MAST2: variants seen among roughly 807,000 people sequenced by gnomAD.
MAST2 encodes microtubule-associated serine/threonine-protein kinase 2.
Under a neutral mutation model 147.4 loss-of-function variants are expected in MAST2, and 70 were observed. The observed-to-expected ratio is 0.47, with a 90% CI of 0.39 to 0.58. The LOEUF (loss-of-function observed/expected upper bound fraction) is 0.58, where lower values mean the gene tolerates loss of function less well. Among genes scored for constraint, MAST2 ranks in the 20% least tolerant of loss-of-function variants. The pLI is 0.00. For missense variants in MAST2, 2,080 were observed against 2,302.3 expected, an observed-to-expected ratio of 0.90 and a Z score of 1.98; for synonymous variants, 869 against 896.8, an observed-to-expected ratio of 0.97 and a Z score of 0.55.
intron 6 of MAST2, among the ~76,000 whole-genome samples, chr1:46,000,012 G>T (rs1343061285): frequency 1.3e-5 from 2 of 152,032 alleles, no homozygotes; most frequent in Non-Finnish European, 2.9e-5. Context: ...GCATGATGCT[G>T]CATGAAAGAA....
chr1:45,932,257 A>G (rs766347363), intron 4 of MAST2, among the ~76,000 whole-genome samples: 1 of 152,154 alleles, frequency 6.6e-6, no homozygotes, highest in Non-Finnish European at 1.5e-5. Context: ...TTATTATACT[A>G]TGCTGGTCAC....
At chr1:46,006,171 A>T in intron 7 of MAST2, 70 bp from the exon 8 acceptor site, 1 of 1,451,874 alleles carries the variant, frequency 6.9e-7, no homozygotes, top group Non-Finnish European at 9.4e-7. Flanking sequence ...GACCATTTTC[A>T]GTCCTTCCCC....
intron 5 of MAST2, among the ~76,000 whole-genome samples, chr1:45,993,443 G>A (rs1644925491): frequency 6.6e-6 from 1 of 152,072 alleles, no homozygotes; most frequent in Non-Finnish European, 1.5e-5. Flanking sequence ...CAGCACTTTG[G>A]GAGGCTGAGG....
chr1:45,805,445 C>CT (rs1644113455), intron 1 of MAST2, among the ~76,000 whole-genome samples: 1 of 132,236 alleles, frequency 7.6e-6, no homozygotes, highest in East Asian at 2.2e-4. Context: ...ACCATCTCTG[C>CT]CCCGCTTCTA....
intron 4 of MAST2, among the ~76,000 whole-genome samples, chr1:45,889,831 G>A (rs764249956): frequency 2.8e-4 from 42 of 151,622 alleles, no homozygotes; most frequent in Middle Eastern, 6.8e-3. Context: ...GGCTGGTCTC[G>A]AACTCCCAAC....
intron 4 of MAST2, among the ~76,000 whole-genome samples, chr1:45,959,099 C>T (rs958004080): frequency 4.6e-5 from 7 of 151,928 alleles, no homozygotes; most frequent in Non-Finnish European, 7.4e-5. Context: ...GGTTTTTGCC[C>T]GTAGGGAGCT....
intron 4 of MAST2, among the ~76,000 whole-genome samples, chr1:45,915,244 A>T (rs1570693531): frequency 6.6e-6 from 1 of 152,134 alleles, no homozygotes; most frequent in Admixed American, 6.5e-5. Flanking sequence ...ATGTGGGTAC[A>T]CTGCTGTTGG....
chr1:45,866,721 A>C (rs559251640), intron 3 of MAST2, among the ~76,000 whole-genome samples: 88 of 149,044 alleles, frequency 5.9e-4, no homozygotes, highest in Middle Eastern at 3.4e-3. Context: ...ACTTATAAAA[A>C]ATTTTTCCCC....
In MAST2 at chr1:46,035,733, C is replaced by A; in HGVS notation, c.5064C>A (p.Asn1688Lys). The A allele has an allele frequency of 1.2e-6, 2 of 1,614,052 alleles. No homozygotes were observed. Among genetic ancestry groups the A allele is most frequent in the Non-Finnish European group, 8.5e-7 (1 of 1,180,022 alleles). Residue 1688 changes from asparagine (N) to lysine (K), a missense_variant, in exon 29 of 29, where the codon AAC becomes AAA. Asn to Lys is a moderately conservative substitution (Grantham distance 94). This residue lies in a region of MAST2 where 1,278 missense variants were observed against 1,304.2 expected (regional missense o/e 0.98). Transcript: ENST00000361297. This position sits in a 1 kb window ranked among gnomAD's most constrained non-coding sequence, Gnocchi z 5.5. ...TAGCCAACCTCCAGGATTTGGAAAA[C>A]ACAACTCCAGCCCAGCCTAAGAACC... ...GGLANLQDLE[N>K]TTPAQPKNLS...
rs771351825 is a variant in MAST2, at chr1:46,002,842, T to A, written c.706T>A (p.Ser236Thr). The A allele has an allele frequency of 1.2e-6, 2 of 1,614,190 alleles. No individual in the cohort carries two copies. The highest frequency in any genetic ancestry group is 1.7e-6 in the Non-Finnish European group (2 of 1,180,016). Residue 236 changes from serine to threonine, a missense_variant, in exon 7 of 29, where the codon TCT (serine) becomes ACT (threonine). Ser to Thr is a moderately conservative substitution (Grantham distance 58, BLOSUM62 1). Transcript: ENST00000361297. Reference sequence around the variant, plus strand: ...GCGCTGGTCTTTGGCCTCTTTGCCCTCTTCAGGATATGGAACTAACACTCC... The same window carrying A: ...GCGCTGGTCTTTGGCCTCTTTGCCCACTTCAGGATATGGAACTAACACTCC... ...GRRWSLASLP[S>T]SGYGTNTPSS...
chr1:46,029,273 T>C, intron 18 of MAST2, 193 bp from the exon 19 acceptor site: 1 of 565,558 alleles, frequency 1.8e-6, no homozygotes, highest in Non-Finnish European at 3.1e-6. Context: ...TTGCAGTGCC[T>C]GCTGTGGATC....
chr1:45,950,143 A>T (rs1340251328), intron 4 of MAST2, among the ~76,000 whole-genome samples: 1 of 152,174 alleles, frequency 6.6e-6, no homozygotes, highest in Non-Finnish European at 1.5e-5. Context: ...TGGGTGATGA[A>T]ACAACCTATA....
intron 7 of MAST2, among the ~76,000 whole-genome samples, chr1:46,004,439 G>T (rs1571167929): frequency 6.6e-6 from 1 of 150,800 alleles, no homozygotes; most frequent in East Asian, 2.0e-4. Flanking sequence ...ACCAAGGTAA[G>T]TCTCATCTGC....
At chr1:45,870,150 C>T (rs1646323922) in intron 3 of MAST2, among the ~76,000 whole-genome samples, 1 of 152,200 alleles carries the variant, frequency 6.6e-6, no homozygotes, top group African/African-American at 2.4e-5. Context: ...TCTCGAATTC[C>T]TGACCTGAGG....
chr1:46,032,195 C>T lies in MAST2; in HGVS notation c.3205C>T (p.Pro1069Ser), dbSNP rs749239404. 6 of 1,614,178 alleles carry T rather than the reference C, an allele frequency of 3.7e-6. No homozygotes were observed. The South Asian group carries it at 6.6e-5, about 18-fold the overall frequency. Residue 1069 changes from proline (P) to serine (S), a missense_variant, in exon 25 of 29, where the codon CCG becomes TCG. Physicochemically the swap from Pro to Ser is moderately conservative, Grantham distance 74. This residue lies in a region of MAST2 where 1,278 missense variants were observed against 1,304.2 expected (regional missense o/e 0.98). Coordinates refer to ENST00000361297, the MANE Select transcript of MAST2 (RefSeq NM_015112.3). ...TTCTCCAGAACACCACACCTGCTCC[C>T]CGTTGGCCAGCCCCATGTCCCCACA... The part of the protein sequence containing the change: ...LIPSEHHTCS[P>S]LASPMSPHSQ...
At chr1:45,812,550 C>T (rs2148648540) in intron 1 of MAST2, among the ~76,000 whole-genome samples, 1 of 152,166 alleles carries the variant, frequency 6.6e-6, no homozygotes, top group African/African-American at 2.4e-5. Flanking sequence ...GCCTCAGCCT[C>T]CCAGTAGCTG....
rs1256329836 is a variant in MAST2, at chr1:45,824,541, TGTAA to T, written c.289_292del (p.Lys97TyrfsTer29). 1.2e-6 allele frequency: 2 copies of T among 1,609,466 alleles called. No individual in the cohort carries two copies. Among genetic ancestry groups the T allele is most frequent in the East Asian group, 4.5e-5 (2 of 44,788 alleles). On this transcript the variant is annotated frameshift_variant, in exon 2 of 29. Coordinates refer to ENST00000361297, the MANE Select transcript of MAST2 (RefSeq NM_015112.3). LOFTEE classifies it high-confidence loss of function. ...TCAGCGACAACTGAGTCAGGATGAT[TGTAA>T]GTTATGGAGAGGAAACCTGGCCAGC...
At chr1:45,931,854 A>T (rs1314963961) in intron 4 of MAST2, among the ~76,000 whole-genome samples, 2 of 151,788 alleles carry the variant, frequency 1.3e-5, no homozygotes, top group Non-Finnish European at 2.9e-5. Flanking sequence ...ATGCCTGGCT[A>T]AGTTTTAAAA....
chr1:45,805,052 A>T lies in MAST2; in HGVS notation c.177+980A>T, dbSNP rs990141824. Among the ~76,000 whole-genome samples, 388 of 143,566 alleles carry T rather than the reference A, an allele frequency of 2.7e-3. 2 individuals carry two copies. The highest frequency in any genetic ancestry group is 4.4e-3 in the Admixed American group (64 of 14,466). The allele number at this position is 143,566 out of a possible 152,430, so 94.2% of individuals were successfully genotyped here. The stretch of plus-strand genomic sequence containing the variant: ...AGATAAATTAGCATTTTCCTTAGAC[A>T]TTTTTTTTTTTTTTTGAGACGAAGT... On this transcript the variant is annotated intron_variant, in intron 1 of 28. Transcript: ENST00000361297.
Sources: gnomAD v4.1 joint callset for allele counts (sites outside exome capture counted in the v4.1 genomes callset) on GRCh38, gnomAD v4.1.1 for gene constraint, gnomAD v4.1.1 regional missense constraint, Gnocchi (gnomAD v3.1) non-coding constraint, MANE v1.5 for transcripts, NCBI Gene and HGNC (gene_info 2026-07-23, HGNC 2026-07-21) for gene names.